The following CADPS2 variants were observed in gnomAD, a reference collection of about 807,000 sequenced individuals.
The protein encoded by CADPS2 is calcium dependent secretion activator 2, also known as calcium-dependent secretion activator 2.
CADPS2 carries 93 observed loss-of-function variants against 172.5 expected under a neutral mutation model. The observed-to-expected ratio is 0.54, with a 90% confidence interval of 0.46 to 0.64. The LOEUF (loss-of-function observed/expected upper bound fraction) is 0.64. Ranked by LOEUF, CADPS2 falls within the 30% of genes least tolerant of loss-of-function variation. The pLI, the probability that CADPS2 is intolerant of heterozygous loss-of-function variation, is 0.00. For missense variants in CADPS2, 1,420 were observed against 1,565.9 expected (o/e 0.91, Z 1.57); for synonymous variants, 546 against 555.2 (o/e 0.98, Z 0.23).
At chr7:122,551,152 G>A (rs1181311693) in intron 8 of CADPS2, among the ~76,000 whole-genome samples, 1 of 151,954 alleles carries the variant, frequency 6.6e-6, no homozygotes, top group African/African-American at 2.4e-5. Flanking sequence ...ATATTAAAAT[G>A]CAACATTGAG....
At chr7:122,446,019 A>G (rs146716673) in intron 15 of CADPS2, among the ~76,000 whole-genome samples, 160 of 152,348 alleles carry the variant, frequency 1.1e-3, no homozygotes, top group East Asian at 5.8e-4. Flanking sequence ...AATTTTGAAC[A>G]TAAGAAGTGA....
chr7:122,799,309 G>A (rs1409706663), intron 1 of CADPS2, among the ~76,000 whole-genome samples: 1 of 152,156 alleles, frequency 6.6e-6, no homozygotes, highest in Non-Finnish European at 1.5e-5. Context: ...AAGAAGTATA[G>A]CTATGTAGGG....
intron 9 of CADPS2, among the ~76,000 whole-genome samples, chr7:122,499,203 A>C (rs1462774541): frequency 6.6e-6 from 1 of 152,184 alleles, no homozygotes; most frequent in Non-Finnish European, 1.5e-5. Flanking sequence ...TTTTTTTTCT[A>C]GCCCATCATT....
chr7:122,833,677 T>C (rs746978958), intron 1 of CADPS2, among the ~76,000 whole-genome samples: 5 of 152,122 alleles, frequency 3.3e-5, no homozygotes, highest in Non-Finnish European at 7.4e-5. Context: ...GTTACAGACA[T>C]GAGCCACCAC....
chr7:122,743,749 C>T (rs1002672047), intron 1 of CADPS2, among the ~76,000 whole-genome samples: 4 of 152,142 alleles, frequency 2.6e-5, no homozygotes, highest in East Asian at 1.9e-4. Flanking sequence ...AATAGGAAAA[C>T]GCTAAAGGAT....
chr7:122,697,257 A>C (rs969533790), intron 2 of CADPS2, among the ~76,000 whole-genome samples: 2 of 152,118 alleles, frequency 1.3e-5, no homozygotes, highest in Non-Finnish European at 2.9e-5. Flanking sequence ...GAATAAGAAT[A>C]ATAAGATTTT....
At chr7:122,609,099 T>C (rs2073972878) in intron 6 of CADPS2, among the ~76,000 whole-genome samples, 2 of 152,110 alleles carry the variant, frequency 1.3e-5, no homozygotes, top group South Asian at 4.1e-4. Flanking sequence ...TAATAATGAA[T>C]TTCCTTATTT....
chr7:122,631,065 G>T (rs916135033), intron 3 of CADPS2, among the ~76,000 whole-genome samples: 3 of 151,956 alleles, frequency 2.0e-5, no homozygotes, highest in African/African-American at 7.3e-5. Context: ...AGTAAGTACG[G>T]GTTCCAGGTT....
chr7:122,523,395 T>C (rs573854188), intron 8 of CADPS2, among the ~76,000 whole-genome samples: 2 of 152,300 alleles, frequency 1.3e-5, no homozygotes, highest in African/African-American at 4.8e-5. Context: ...AAATATTTTA[T>C]TAAAAGACAG....
At chr7:122,735,340 A>G (rs1053801873) in intron 2 of CADPS2, among the ~76,000 whole-genome samples, 39 of 152,102 alleles carry the variant, frequency 2.6e-4, no homozygotes, top group African/African-American at 9.2e-4. Context: ...AGCTCCTTCA[A>G]CTTACATATG....
At chr7:122,686,467 A>C (rs966148772) in intron 2 of CADPS2, among the ~76,000 whole-genome samples, 6 of 152,200 alleles carry the variant, frequency 3.9e-5, no homozygotes, top group African/African-American at 1.4e-4. Context: ...TGAGGTTCTT[A>C]AACTCGAGTA....
At chr7:122,755,379 G>A (rs1166107835) in intron 1 of CADPS2, among the ~76,000 whole-genome samples, 4 of 152,138 alleles carry the variant, frequency 2.6e-5, no homozygotes, top group African/African-American at 9.7e-5. Context: ...CATGCAATGA[G>A]TAGCTAAAAC....
intron 3 of CADPS2, among the ~76,000 whole-genome samples, chr7:122,635,329 T>A (rs2076964894): frequency 6.6e-6 from 1 of 151,866 alleles, no homozygotes; most frequent in Non-Finnish European, 1.5e-5. Context: ...GTGCACAATG[T>A]GCAGGTTAGT....
chr7:122,865,048 C>G (rs1817932953), intron 1 of CADPS2, among the ~76,000 whole-genome samples: 1 of 152,046 alleles, frequency 6.6e-6, no homozygotes, highest in South Asian at 2.1e-4. Context: ...TGGGGGTGGA[C>G]ACCTCATGAT....
chr7:122,403,599 A>T (rs1450603423), intron 20 of CADPS2, among the ~76,000 whole-genome samples: 1 of 152,246 alleles, frequency 6.6e-6, no homozygotes, highest in Non-Finnish European at 1.5e-5. Context: ...ATTTGTAAAC[A>T]TGATTGAAAA....
intron 2 of CADPS2, among the ~76,000 whole-genome samples, chr7:122,684,993 C>G (rs957886142): frequency 6.6e-6 from 1 of 152,168 alleles, no homozygotes; most frequent in Non-Finnish European, 1.5e-5. Flanking sequence ...CCCTGGCATA[C>G]AGTGGCTCTC....
chr7:122,740,410 A>G (rs997246270), intron 1 of CADPS2, among the ~76,000 whole-genome samples: 1 of 152,142 alleles, frequency 6.6e-6, no homozygotes, highest in Non-Finnish European at 1.5e-5. Flanking sequence ...GACATGGAGG[A>G]ACCTTAAATG....
At chr7:122,447,257 ATTTG>A (rs2052378548) in intron 15 of CADPS2, among the ~76,000 whole-genome samples, 1 of 151,994 alleles carries the variant, frequency 6.6e-6, no homozygotes, top group Non-Finnish European at 1.5e-5. Context: ...TCATACTTAT[ATTTG>A]TTTTTGATGT....
intron 12 of CADPS2, among the ~76,000 whole-genome samples, chr7:122,477,859 T>C (rs1442236864): frequency 6.6e-6 from 1 of 152,198 alleles, no homozygotes; most frequent in Non-Finnish European, 1.5e-5. Flanking sequence ...AGTTGTCATG[T>C]TGTACATTAG....
Sources: allele counts gnomAD v4.1 joint callset (sites outside exome capture counted in the v4.1 genomes callset), GRCh38; gene constraint gnomAD v4.1.1; transcripts MANE v1.5; gene names NCBI Gene and HGNC (gene_info 2026-07-23, HGNC 2026-07-21).